The following POGLUT3 variants were observed in gnomAD, a reference collection of about 807,000 sequenced individuals.
POGLUT3 encodes KDEL (Lys-Asp-Glu-Leu) containing 2.
A neutral mutation model predicts 54.3 loss-of-function variants in POGLUT3; 48 were observed. The ratio of observed to expected loss-of-function variants is 0.88; its 90% confidence interval spans 0.70 to 1.12. The LOEUF (loss-of-function observed/expected upper bound fraction) is 1.12. Ranked by LOEUF, POGLUT3 falls within the 50% of genes most tolerant of loss-of-function variation. The probability of loss-of-function intolerance (pLI) is 0.00; values close to 1 mark genes in which losing one functional copy is unlikely to be tolerated. For synonymous variants in POGLUT3, 218 were observed against 237.4 expected (o/e 0.92, Z 0.75); for missense variants, 629 against 618.7 (o/e 1.02, Z -0.18).
intron 1 of POGLUT3, among the ~76,000 whole-genome samples, chr11:108,491,901 G>A (rs987524581): frequency 1.3e-5 from 2 of 152,046 alleles, no homozygotes; most frequent in Admixed American, 6.6e-5. Flanking sequence ...TCTAGTAATC[G>A]AACTTCCTCC....
chr11:108,490,928 C>T (rs772680692), intron 2 of POGLUT3, 42 bp downstream of exon 2: 1 of 1,518,616 alleles, frequency 6.6e-7, no homozygotes, highest in Non-Finnish European at 9.1e-7. Flanking sequence ...GGCATGGGAC[C>T]TACACACAAG....
chr11:108,474,977 T>C, intron 7 of POGLUT3, 25 bp from the exon 8 acceptor site: 1 of 1,612,664 alleles, frequency 6.2e-7, no homozygotes, highest in Admixed American at 1.7e-5. Context: ...TAAAGGGAAC[T>C]GAAAGGTTAG....
rs201659706 is a variant in POGLUT3 at position 108,491,122 on chromosome 11, T to A, written c.248A>T (p.Glu83Val). ...TTTAGGGACATGTATCCGGACCAAC[T>A]CTTTAGGTGAAAGAGATTTGACTAC... is the stretch of plus-strand genomic sequence containing the variant. ...KVVVKSLSPK[E>V]LVRIHVPKPL... Residue 83 changes from glutamate to valine, a missense_variant, in exon 2 of 8, where the codon GAG becomes GTG. Physicochemically the swap from Glu to Val is moderately radical, Grantham distance 121. Transcript: ENST00000323468. 4.0e-4 allele frequency: 647 copies of A among 1,614,114 alleles called. No individual in the cohort carries two copies. Among genetic ancestry groups the A allele is most frequent in the Non-Finnish European group, 5.4e-4 (635 of 1,179,976 alleles).
rs2093626268 is a variant in POGLUT3 at position 108,498,304 on chromosome 11, C to T, written c.63G>A (p.Gly21=). 2 of 1,454,874 alleles carry T rather than the reference C, an allele frequency of 1.4e-6. No homozygotes were observed. Among genetic ancestry groups the T allele is most frequent in the Admixed American group, 2.6e-5 (1 of 38,454 alleles). The allele number at this position is 1,454,874 out of a possible 1,614,324, so 90.1% of individuals were successfully genotyped here. ...QLRLALLVAA[G]APEVLVSAPR... ...GCGCGCTGACCAGCACCTCCGGGGCCCCCGCGGCCACCAGCAGGGCGAGGC... is the reference window on the plus strand; with the variant it reads ...GCGCGCTGACCAGCACCTCCGGGGCTCCCGCGGCCACCAGCAGGGCGAGGC... Residue 21 remains glycine, a synonymous_variant, in exon 1 of 8, where the codon GGG becomes GGA. Coordinates refer to ENST00000323468, the MANE Select transcript of POGLUT3 (RefSeq NM_153705.5).
rs2135850357 is a variant in POGLUT3 at position 108,481,282 on chromosome 11, ATTTTCTT to A, written c.989_995del (p.Lys330IlefsTer5). On this transcript the variant is annotated frameshift_variant, in exon 5 of 8. Coordinates refer to ENST00000323468, the MANE Select transcript of POGLUT3 (RefSeq NM_153705.5). LOFTEE classifies it high-confidence loss of function. ...TAATTCCTGCATCTAGTAGCTGAGGATTTTCTTTGGACAGCTGTACCAACTGGAGCCT... is the reference window on the plus strand; with the variant it reads ...TAATTCCTGCATCTAGTAGCTGAGGATGGACAGCTGTACCAACTGGAGCCT... 4.3e-6 allele frequency: 7 copies of A among 1,613,008 alleles called. No individual in the cohort carries two copies. The highest frequency in any genetic ancestry group is 5.9e-6 in the Non-Finnish European group (7 of 1,179,612).
chr11:108,477,918 G>A, intron 6 of POGLUT3: 1 of 553,148 alleles, frequency 1.8e-6, no homozygotes, highest in East Asian at 3.2e-5. Flanking sequence ...GGGGCCCAAA[G>A]CTAGAAGATC....
chr11:108,489,068 G>T (rs1009151038), intron 2 of POGLUT3, among the ~76,000 whole-genome samples: 5 of 152,052 alleles, frequency 3.3e-5, no homozygotes, highest in African/African-American at 9.7e-5. Flanking sequence ...AAGAGCTCAA[G>T]AAGATGAAAA....
rs374832436 is a variant in POGLUT3 at position 108,491,040 on chromosome 11, G to T, written c.330C>A (p.Val110=). ...FLMRYRMYET[V]DEGLKIEVLY... ...GGACCTCTATCTTCAGGCCTTCATC[G>T]ACAGTTTCATACATCCTATATCTCA... Residue 110 remains valine, a synonymous_variant, in exon 2 of 8, where the codon GTC becomes GTA. Coordinates refer to ENST00000323468, the MANE Select transcript of POGLUT3 (RefSeq NM_153705.5). The T allele has an allele frequency of 6.2e-7, 1 of 1,613,826 alleles. No homozygotes were observed. The highest frequency in any genetic ancestry group is 8.5e-7 in the Non-Finnish European group (1 of 1,179,910).
intron 1 of POGLUT3, among the ~76,000 whole-genome samples, chr11:108,491,893 T>C (rs2093614031): frequency 6.6e-6 from 1 of 152,258 alleles, no homozygotes; most frequent in Non-Finnish European, 1.5e-5. Flanking sequence ...CAGATCTCTC[T>C]AGTAATCGAA....
intron 7 of POGLUT3, among the ~76,000 whole-genome samples, 171 bp downstream of exon 7, chr11:108,477,436 C>T (rs931642354): frequency 1.1e-4 from 17 of 151,926 alleles, no homozygotes; most frequent in African/African-American, 4.1e-4. Context: ...AAAAAGGGGG[C>T]CACCAAATGA....
chr11:108,479,663 T>C (rs1223764302), intron 5 of POGLUT3, among the ~76,000 whole-genome samples, 168 bp from the exon 6 acceptor site: 1 of 152,180 alleles, frequency 6.6e-6, no homozygotes, highest in Non-Finnish European at 1.5e-5. Context: ...TGTATAAAAA[T>C]CACAAGCAGC....
chr11:108,495,057 A>AT (rs781697962), intron 1 of POGLUT3, among the ~76,000 whole-genome samples: 14 of 152,138 alleles, frequency 9.2e-5, no homozygotes, highest in Non-Finnish European at 2.1e-4. Flanking sequence ...AGTTCACAAT[A>AT]TTTTTGTTAT....
rs1357268101 is a variant in POGLUT3 at position 108,482,063 on chromosome 11, T to C, written c.844A>G (p.Met282Val). 11 of 1,614,172 alleles carry C rather than the reference T, an allele frequency of 6.8e-6. No homozygotes were observed. The Middle Eastern group carries it at 4.9e-4, about 73-fold the overall frequency. The change falls in exon 4 of 8, where the codon ATG (methionine) becomes GTG (valine). Residue 282 changes from methionine to valine, a missense_variant. Coordinates refer to ENST00000323468, the MANE Select transcript of POGLUT3 (RefSeq NM_153705.5). ...VLPTYDITHSMLEAMRGVTND... is the reference protein window; with the variant it reads ...VLPTYDITHSVLEAMRGVTND... ...GTAACACCCCGCATGGCTTCAAGCA[T>C]GGAGTGGGTGATGTCATACGTTGGA... is the stretch of plus-strand genomic sequence containing the variant.
chr11:108,496,661 A>G (rs1479135327), intron 1 of POGLUT3, among the ~76,000 whole-genome samples: 1 of 152,150 alleles, frequency 6.6e-6, no homozygotes, highest in Non-Finnish European at 1.5e-5. Context: ...TCTAACTGGT[A>G]GACACGTTAT....
chr11:108,489,963 G>A (rs150781449), intron 2 of POGLUT3, among the ~76,000 whole-genome samples: 34 of 152,172 alleles, frequency 2.2e-4, no homozygotes, highest in African/African-American at 7.7e-4. Flanking sequence ...ACAGCTTACC[G>A]CAGCCTCGAT....
In POGLUT3 at chr11:108,479,371, T is replaced by C. The variant is rs1306976148; in HGVS notation, c.1223A>G (p.Glu408Gly). ...PYYEHFYMAL[E>G]PWKHYVPIKR... ...AATTGGAACATAATGCTTCCAAGGT[T>C]CTAGTGCCATGTAGAAATGTTCATA... The change falls in exon 6 of 8, where the codon GAA becomes GGA. Residue 408 changes from glutamate to glycine, a missense_variant. Physicochemically the swap from Glu to Gly is moderately conservative, Grantham distance 98. Coordinates refer to ENST00000323468, the MANE Select transcript of POGLUT3 (RefSeq NM_153705.5). The C allele has an allele frequency of 6.2e-7, 1 of 1,613,002 alleles. No homozygotes were observed. Among genetic ancestry groups the C allele is most frequent in the African/African-American group, 1.3e-5 (1 of 74,922 alleles).
At chr11:108,480,353 G>A (rs2093590133) in intron 5 of POGLUT3, among the ~76,000 whole-genome samples, 1 of 152,066 alleles carries the variant, frequency 6.6e-6, no homozygotes, top group African/African-American at 2.4e-5. Context: ...ATATTTGTTG[G>A]GTTAATATAC....
intron 3 of POGLUT3, among the ~76,000 whole-genome samples, chr11:108,485,106 T>G (rs1012480016): frequency 6.6e-6 from 1 of 152,104 alleles, no homozygotes; most frequent in African/African-American, 2.4e-5. Context: ...TTTTTAAATA[T>G]CAGGGTTTTT....
chr11:108,498,095 G>T, intron 1 of POGLUT3, 70 bp downstream of exon 1: 1 of 1,339,376 alleles, frequency 7.5e-7, no homozygotes, highest in Non-Finnish European at 9.8e-7. Context: ...GGCCGCGGGC[G>T]GACTCCCGGG....
Sources: gnomAD v4.1 joint callset for allele counts (sites outside exome capture counted in the v4.1 genomes callset) on GRCh38, gnomAD v4.1.1 for gene constraint, MANE v1.5 for transcripts, NCBI Gene and HGNC (gene_info 2026-07-23, HGNC 2026-07-21) for gene names.